The following WDPCP variants were observed in gnomAD, a reference collection of about 807,000 sequenced individuals.
WDPCP encodes the protein WD repeat containing planar cell polarity effector, also known as WD repeat-containing and planar cell polarity effector protein fritz homolog.
WDPCP carries 71 observed loss-of-function variants against 93.1 expected under a neutral mutation model. The ratio of observed to expected loss-of-function variants is 0.76; its 90% CI spans 0.63 to 0.93. The LOEUF is 0.93. Among genes scored for constraint, WDPCP ranks in the 40% least tolerant of loss-of-function variants. WDPCP has a pLI of 0.00. For synonymous variants in WDPCP, 315 were observed against 315.0 expected, an observed-to-expected ratio of 1.00 and a Z score of 0.00; for missense variants, 844 against 887.4, an observed-to-expected ratio of 0.95 and a Z score of 0.62.
At position 63,575,457 on chromosome 2, in the gene WDPCP, CAG is replaced by C. The variant is rs1491552314; in HGVS notation, c.75+12738_75+12739del. On this transcript the variant is annotated intron_variant, in intron 1 of 17. Coordinates refer to ENST00000272321, the MANE Select transcript of WDPCP (RefSeq NM_015910.7). ...ATATACAGTGTATACACTGTATATACAGTATATATGCAGTATATACAGTGTAT... is the reference window on the plus strand; with the variant it reads ...ATATACAGTGTATACACTGTATATACTATATATGCAGTATATACAGTGTAT... Among the ~76,000 whole-genome samples, 25 of 37,350 alleles carry C rather than the reference CAG, an allele frequency of 6.7e-4. 7 individuals are homozygous for C. Among genetic ancestry groups the C allele is most frequent in the African/African-American group, 3.3e-3 (16 of 4,808 alleles). 24.5% of individuals were successfully genotyped at this position (37,350 alleles called of 152,430 possible). A position where few individuals can be genotyped will look rare whatever the true frequency, so the allele number is the denominator to read the frequency against.
chr2:63,662,639 CAGAGAGAG>C (rs3077036), intron 2 of WDPCP, among the ~76,000 whole-genome samples: 15,802 of 147,154 alleles, frequency 0.11, 1,360 homozygotes, highest in African/African-American at 0.25. Context: ...TCATCTCTTC[CAGAGAGAG>C]AGAGAGAGAG....
chr2:63,421,200 T>C (rs1447795008), intron 9 of WDPCP, among the ~76,000 whole-genome samples: 1 of 152,166 alleles, frequency 6.6e-6, no homozygotes, highest in Non-Finnish European at 1.5e-5. Context: ...GTATACAGGA[T>C]AAATATATAA....
chr2:63,468,867 G>T (rs1205863937), intron 6 of WDPCP, among the ~76,000 whole-genome samples: 3 of 151,734 alleles, frequency 2.0e-5, no homozygotes, highest in Non-Finnish European at 4.4e-5. Flanking sequence ...ATCTAAAAAA[G>T]AAAGAAAAAA....
chr2:63,552,151 T>C (rs984319790), intron 1 of WDPCP, among the ~76,000 whole-genome samples: 2 of 127,832 alleles, frequency 1.6e-5, no homozygotes, highest in South Asian at 5.3e-4. Flanking sequence ...AAGTATTCTA[T>C]TATAGTACCC....
At chr2:63,406,988 C>T (rs1317190015) in intron 9 of WDPCP, among the ~76,000 whole-genome samples, 1 of 152,042 alleles carries the variant, frequency 6.6e-6, no homozygotes, top group African/African-American at 2.4e-5. Flanking sequence ...GCCAAAAATG[C>T]CGTTATTTGG....
intron 2 of WDPCP, among the ~76,000 whole-genome samples, chr2:63,763,582 C>G (rs1670091743): frequency 6.6e-6 from 1 of 151,448 alleles, no homozygotes; most frequent in South Asian, 2.1e-4. Context: ...GAAATGCATC[C>G]AAAATACACA....
intron 2 of WDPCP, chr2:63,752,091 C>A: frequency 1.7e-6 from 1 of 601,508 alleles, no homozygotes; most frequent in Admixed American, 2.2e-5. Context: ...CTTGTTTTGG[C>A]AGGGCTTTCC....
At chr2:63,768,181 G>A (rs1485477530) in intron 2 of WDPCP, among the ~76,000 whole-genome samples, 4 of 151,962 alleles carry the variant, frequency 2.6e-5, no homozygotes, top group African/African-American at 9.7e-5. Context: ...AAATGACTAT[G>A]CTTTTTTCCT....
chr2:63,680,216 C>A (rs1056851782), intron 2 of WDPCP, among the ~76,000 whole-genome samples: 13 of 152,238 alleles, frequency 8.5e-5, no homozygotes, highest in African/African-American at 2.4e-4. Flanking sequence ...AACCAAAAAT[C>A]AGGTGAGCAA....
intron 2 of WDPCP, among the ~76,000 whole-genome samples, chr2:63,685,478 GA>G (rs35884445): frequency 0.42 from 63,235 of 152,008 alleles, 14,472 homozygotes; most frequent in African/African-American, 0.61. Context: ...TCCCAGCGAA[GA>G]AAAGCCCAGG....
upstream of WDPCP, among the ~76,000 whole-genome samples, chr2:63,830,700 C>G (rs1671178963): frequency 6.6e-6 from 1 of 152,144 alleles, no homozygotes; most frequent in Non-Finnish European, 1.5e-5. Context: ...ACTCTCCTCT[C>G]TGGGCTCTAT....
chr2:63,209,520 T>C (rs1676600986), intron 14 of WDPCP, among the ~76,000 whole-genome samples: 1 of 152,208 alleles, frequency 6.6e-6, no homozygotes, highest in African/African-American at 2.4e-5. Context: ...CCTCATGAAG[T>C]TTTTAGTGGG....
At chr2:63,751,917 AT>A (rs1268097697) in intron 2 of WDPCP, 2 of 682,724 alleles carry the variant, frequency 2.9e-6, no homozygotes, top group African/African-American at 3.5e-5. Context: ...CATTATAGCC[AT>A]CCCCACTGCC....
chr2:63,150,023 A>G (rs1181484563), intron 17 of WDPCP, among the ~76,000 whole-genome samples: 1 of 152,072 alleles, frequency 6.6e-6, no homozygotes, highest in Non-Finnish European at 1.5e-5. Context: ...GATTTTATTT[A>G]TGGAACTTGC....
At chr2:63,696,312 G>GT (rs1553450399) in intron 2 of WDPCP, among the ~76,000 whole-genome samples, 1 of 10,232 alleles carries the variant, frequency 9.8e-5, no homozygotes, top group Non-Finnish European at 3.0e-4. Flanking sequence ...ACCCCAGCAA[G>GT]TTTCTTCTTG....
intron 15 of WDPCP, among the ~76,000 whole-genome samples, chr2:63,156,446 T>C (rs1672255397): frequency 6.6e-6 from 1 of 152,104 alleles, no homozygotes; most frequent in Non-Finnish European, 1.5e-5. Flanking sequence ...TATATAGAAA[T>C]ACAATTGGGC....
intron 2 of WDPCP, among the ~76,000 whole-genome samples, chr2:63,689,673 CTTAATT>C (rs1473600988): frequency 6.6e-6 from 1 of 152,122 alleles, no homozygotes; most frequent in Non-Finnish European, 1.5e-5. Context: ...TGCCTAGTTT[CTTAATT>C]TTAAAGTAGG....
chr2:63,411,051 A>G (rs1694986958), intron 9 of WDPCP, among the ~76,000 whole-genome samples: 1 of 152,200 alleles, frequency 6.6e-6, no homozygotes, highest in Admixed American at 6.5e-5. Context: ...GACTTAACAT[A>G]CAGAACATTT....
At chr2:63,234,820 T>G (rs1160335390) in intron 14 of WDPCP, among the ~76,000 whole-genome samples, 1 of 152,188 alleles carries the variant, frequency 6.6e-6, no homozygotes, top group Non-Finnish European at 1.5e-5. Flanking sequence ...CCTCTTTGGC[T>G]CTATAATTCA....
Sources: gnomAD v4.1 joint callset for allele counts (sites outside exome capture counted in the v4.1 genomes callset) on GRCh38, gnomAD v4.1.1 for gene constraint, MANE v1.5 for transcripts, NCBI Gene and HGNC (gene_info 2026-07-23, HGNC 2026-07-21) for gene names.